The following CATSPERT variants were observed in gnomAD, a reference collection of about 807,000 sequenced individuals.
CATSPERT encodes the protein catsper channel auxiliary subunit tau.
At chr2:201,589,127 A>G in the CATSPERT span, among the ~76,000 whole-genome samples, 2 of 152,214 alleles carry the variant, frequency 1.3e-5, no homozygotes, top group African/African-American at 4.8e-5. Flanking sequence ...ATGGTAGAAC[A>G]TTCCATGCTC....
chr2:201,506,699 G>T, the CATSPERT span, among the ~76,000 whole-genome samples: 3 of 151,996 alleles, frequency 2.0e-5, no homozygotes, highest in Non-Finnish European at 4.4e-5. Flanking sequence ...GACTACAGGT[G>T]CCTGCCACCA....
chr2:201,598,335 C>T, the CATSPERT span, among the ~76,000 whole-genome samples: 1 of 152,110 alleles, frequency 6.6e-6, no homozygotes, highest in Non-Finnish European at 1.5e-5. Context: ...GAACTCCAGG[C>T]CTCAAGCATT....
the CATSPERT span, chr2:201,555,729 A>C: frequency 2.0e-5 from 3 of 152,084 alleles, no homozygotes; most frequent in African/African-American, 7.2e-5. Context: ...TGCAGACATT[A>C]CTCCCTTTAA....
At chr2:201,518,610 A>G in the CATSPERT span, among the ~76,000 whole-genome samples, 1 of 152,220 alleles carries the variant, frequency 6.6e-6, no homozygotes, top group Non-Finnish European at 1.5e-5. Flanking sequence ...TGTGTTGACA[A>G]TGTCCAAGAC....
At chr2:201,583,935 T>G in the CATSPERT span, among the ~76,000 whole-genome samples, 1 of 152,238 alleles carries the variant, frequency 6.6e-6, no homozygotes, top group Middle Eastern at 3.4e-3. Flanking sequence ...AAGGAACAAC[T>G]TGTAGAAAAG....
At chr2:201,492,583 G>A in the CATSPERT span, 2 of 1,530,194 alleles carry the variant, frequency 1.3e-6, no homozygotes, top group East Asian at 2.5e-5. Context: ...CTCAGATGCT[G>A]TCTCATTAAA....
chr2:201,604,759 A>G, the CATSPERT span: 2 of 1,145,026 alleles, frequency 1.7e-6, no homozygotes, highest in South Asian at 3.0e-5. Flanking sequence ...ATGAAACATC[A>G]ATTCAATAAT....
the CATSPERT span, chr2:201,494,652 T>C: frequency 5.7e-4 from 873 of 1,536,922 alleles, 9 homozygotes; most frequent in African/African-American, 0.01. Context: ...CCTCTGCACC[T>C]AAGATATTTC....
chr2:201,520,945 A>T, the CATSPERT span, among the ~76,000 whole-genome samples: 1 of 152,146 alleles, frequency 6.6e-6, no homozygotes, highest in Non-Finnish European at 1.5e-5. Context: ...AAATAAAAAA[A>T]AAATCATTAG....
At chr2:201,579,700 A>T in the CATSPERT span, among the ~76,000 whole-genome samples, 6 of 151,696 alleles carry the variant, frequency 4.0e-5, no homozygotes, top group Non-Finnish European at 5.9e-5. Context: ...TTTAATGACC[A>T]AAGCTATTTA....
chr2:201,598,830 C>T, the CATSPERT span, among the ~76,000 whole-genome samples: 1 of 152,108 alleles, frequency 6.6e-6, no homozygotes, highest in Non-Finnish European at 1.5e-5. Context: ...ATCTGCTCTC[C>T]TCGGCCTCCC....
At chr2:201,574,175 C>T in the CATSPERT span, 1 of 1,488,490 alleles carries the variant, frequency 6.7e-7, no homozygotes. Context: ...TGAAGAGTTA[C>T]AACAGAATAA....
the CATSPERT span, among the ~76,000 whole-genome samples, chr2:201,538,820 C>T: frequency 6.6e-6 from 1 of 152,098 alleles, no homozygotes; most frequent in Non-Finnish European, 1.5e-5. Flanking sequence ...CCTCCTCCTA[C>T]CCTCCACTCT....
chr2:201,607,621 G>GAC, the CATSPERT span, among the ~76,000 whole-genome samples: 5 of 151,340 alleles, frequency 3.3e-5, no homozygotes, highest in East Asian at 1.9e-4. Context: ...CAGCCTGGGG[G>GAC]ACACACACAC....
At chr2:201,594,566 C>T in the CATSPERT span, among the ~76,000 whole-genome samples, 10 of 152,166 alleles carry the variant, frequency 6.6e-5, no homozygotes, top group Non-Finnish European at 1.0e-4. Context: ...TAATATGCTG[C>T]AGAGTGTTTT....
At chr2:201,618,841 C>T in the CATSPERT span, 10 of 1,543,816 alleles carry the variant, frequency 6.5e-6, no homozygotes, top group East Asian at 2.1e-4. Context: ...TTTCACCACC[C>T]TCCAGGTGCC....
At chr2:201,545,629 CAAAAAAAAAAAAAAAAAAAA>C in the CATSPERT span, 2 of 152,464 alleles carry the variant, frequency 1.3e-5, no homozygotes, top group Non-Finnish European at 2.1e-5. Context: ...TTCCTAGAAG[CAAAAAAAAAAAAAAAAAAAA>C]AAAAGAAAAA....
the CATSPERT span, chr2:201,571,885 A>C: frequency 1.3e-6 from 2 of 1,507,382 alleles, no homozygotes; most frequent in East Asian, 4.5e-5. Context: ...AAATGGATTA[A>C]AATTGTTTTA....
the CATSPERT span, among the ~76,000 whole-genome samples, chr2:201,502,597 T>C: frequency 1.3e-5 from 2 of 151,702 alleles, no homozygotes; most frequent in Non-Finnish European, 2.9e-5. Flanking sequence ...AAAAAGTCTG[T>C]TTTTATTTGT....
Sources: allele counts gnomAD v4.1 joint callset (sites outside exome capture counted in the v4.1 genomes callset), GRCh38; gene constraint gnomAD v4.1.1; transcripts MANE v1.5; gene names NCBI Gene and HGNC (gene_info 2026-07-23, HGNC 2026-07-21).